FARP1: variants seen among roughly 807,000 people sequenced by gnomAD.
The protein encoded by FARP1 is FERM, ARH/RhoGEF and pleckstrin domain protein 1.
A neutral mutation model predicts 128.8 loss-of-function variants in FARP1; 52 were observed. The ratio of observed to expected loss-of-function variants is 0.40; its 90% CI spans 0.32 to 0.51. The LOEUF (loss-of-function observed/expected upper bound fraction) is 0.51. Among genes scored for constraint, FARP1 ranks in the 20% least tolerant of loss-of-function variants. The pLI, the probability that FARP1 is intolerant of heterozygous loss-of-function variation, is 0.45. For missense variants in FARP1, 1,333 were observed against 1,367.9 expected (o/e 0.97, Z 0.40); for synonymous variants, 580 against 551.8 (o/e 1.05, Z -0.72).
At chr13:98,268,683 G>A (rs541659640) in intron 2 of FARP1, among the ~76,000 whole-genome samples, 1 of 151,938 alleles carries the variant, frequency 6.6e-6, no homozygotes, top group Non-Finnish European at 1.5e-5. Context: ...GGCCAGGATG[G>A]TCTCGAACTT....
intron 6 of FARP1, 64 bp downstream of exon 6, chr13:98,377,982 A>G (rs1889666332): frequency 8.3e-6 from 10 of 1,208,830 alleles, no homozygotes; most frequent in Middle Eastern, 1.9e-4. Flanking sequence ...GATTGATGGG[A>G]AAAAAATCAC....
At chr13:98,358,633 T>G (rs1425748831) in intron 3 of FARP1, among the ~76,000 whole-genome samples, 1 of 152,136 alleles carries the variant, frequency 6.6e-6, no homozygotes, top group Non-Finnish European at 1.5e-5. Flanking sequence ...TAAAGTTTTT[T>G]TGTTTCTTTC....
At chr13:98,385,956 G>C in intron 8 of FARP1, 142 bp downstream of exon 8, 1 of 824,602 alleles carries the variant, frequency 1.2e-6, no homozygotes, top group East Asian at 2.7e-5. Context: ...CTCATCTCAG[G>C]CTTTCTGTTT....
chr13:98,423,191 G>A (rs796960167), intron 16 of FARP1, among the ~76,000 whole-genome samples: 8 of 152,266 alleles, frequency 5.3e-5, no homozygotes, highest in African/African-American at 1.9e-4. Context: ...GGGTGGGTCT[G>A]CCTTTCCCAC....
intron 5 of FARP1, among the ~76,000 whole-genome samples, chr13:98,377,515 A>G (rs1889644729): frequency 6.6e-6 from 1 of 152,164 alleles, no homozygotes; most frequent in African/African-American, 2.4e-5. Context: ...AAAAAAATGT[A>G]AATATTTCCT....
chr13:98,281,131 A>AGAT (rs1176385197), intron 2 of FARP1, among the ~76,000 whole-genome samples: 18 of 152,322 alleles, frequency 1.2e-4, no homozygotes, highest in Non-Finnish European at 1.9e-4. Context: ...CGAGGTGGGC[A>AGAT]GATCATGAGG....
At chr13:98,197,758 C>T (rs985506658) in intron 1 of FARP1, among the ~76,000 whole-genome samples, 2 of 151,780 alleles carry the variant, frequency 1.3e-5, no homozygotes, top group African/African-American at 2.4e-5. Context: ...CCTCAGCCTC[C>T]CGAGTAGCTG....
At chr13:98,186,452 G>A (rs1465609441) in intron 1 of FARP1, among the ~76,000 whole-genome samples, 2 of 151,996 alleles carry the variant, frequency 1.3e-5, no homozygotes, top group African/African-American at 4.8e-5. Flanking sequence ...CCCTGCCCCT[G>A]GTAACTCTTC....
chr13:98,377,817 G>A lies in FARP1; in HGVS notation c.399-4G>A, dbSNP rs41279112. 9.1e-3 allele frequency: 14,617 copies of A among 1,612,604 alleles called. 1,107 individuals are homozygous for A. The African/African-American group carries it at 0.17, about 19-fold the overall frequency. ...CTGACGCCCAGCTCTGTTGATCTTCGCAGGTACCTGTTCGCGCTGCAGGTG... is the reference window on the plus strand; with the variant it reads ...CTGACGCCCAGCTCTGTTGATCTTCACAGGTACCTGTTCGCGCTGCAGGTG... On this transcript the variant is annotated splice_polypyrimidine_tract_variant and splice_region_variant and intron_variant, in intron 5 of 26. Coordinates refer to ENST00000319562, the MANE Select transcript of FARP1 (RefSeq NM_005766.4).
rs79753701 is a variant in FARP1, at chr13:98,415,086, A to G, written c.1826+3052A>G. On this transcript the variant is annotated intron_variant, in intron 16 of 26. Coordinates refer to ENST00000319562, the MANE Select transcript of FARP1 (RefSeq NM_005766.4). ...AGCTCCTTCATCTCAGGGGTGCTCCAGCAGAAACTGACTGTTCATGTCCAG... is the reference window on the plus strand; with the variant it reads ...AGCTCCTTCATCTCAGGGGTGCTCCGGCAGAAACTGACTGTTCATGTCCAG... Among the ~76,000 whole-genome samples the G allele has an allele frequency of 3.9e-3, 599 of 152,348 alleles. 4 individuals carry two copies. The highest frequency in any genetic ancestry group is 0.014 in the African/African-American group (576 of 41,578).
intron 2 of FARP1, among the ~76,000 whole-genome samples, chr13:98,306,521 C>CTTTTTTT (rs145068057): frequency 1.3e-5 from 2 of 148,634 alleles, no homozygotes; most frequent in South Asian, 4.4e-4. Context: ...TTCTTTCTTT[C>CTTTTTTT]TTTTTTGTTT....
chr13:98,292,459 A>G (rs1296085408), intron 2 of FARP1, among the ~76,000 whole-genome samples: 5 of 152,238 alleles, frequency 3.3e-5, no homozygotes, highest in African/African-American at 4.8e-5. Context: ...ACTTAATAAT[A>G]AATGTAGTAT....
intron 3 of FARP1, among the ~76,000 whole-genome samples, chr13:98,350,425 G>A (rs1232473429): frequency 1.3e-5 from 2 of 152,164 alleles, no homozygotes; most frequent in African/African-American, 2.4e-5. Context: ...AGTGTCCCCC[G>A]TTACTGACAC....
At chr13:98,305,181 CTTTCCT>C (rs138278181) in intron 2 of FARP1, among the ~76,000 whole-genome samples, 2,103 of 150,738 alleles carry the variant, frequency 0.014, 53 homozygotes, top group African/African-American at 0.049. Flanking sequence ...GGGGAAAATC[CTTTCCT>C]CATTCACTAA....
chr13:98,361,631 T>C (rs1594445290), intron 3 of FARP1, among the ~76,000 whole-genome samples: 1 of 152,260 alleles, frequency 6.6e-6, no homozygotes, highest in African/African-American at 2.4e-5. Flanking sequence ...TTCTCCACTC[T>C]CCTGTATCCT....
intron 13 of FARP1, chr13:98,400,627 C>G (rs193165378): frequency 5.9e-5 from 9 of 152,322 alleles, no homozygotes; most frequent in Non-Finnish European, 1.2e-4. Context: ...CTATCTGGAT[C>G]CCTTCTCTTT....
At position 98,290,054 on chromosome 13, in the gene FARP1, C is replaced by CTTTT. The variant is rs57453120; in HGVS notation, c.172-53695_172-53692dup. Among the ~76,000 whole-genome samples the CTTTT allele has an allele frequency of 4.9e-4, 67 of 136,250 alleles. 1 individual carries two copies. The highest frequency in any genetic ancestry group is 3.9e-3 in the Middle Eastern group (1 of 256). 89.4% of individuals were successfully genotyped at this position (136,250 alleles called of 152,430 possible). ...TTAGAGAAGTGTGGTGGAGATTTAT[C>CTTTT]TTTTTTTTTTTTTTTTGGTGTTGGG... On this transcript the variant is annotated intron_variant, in intron 2 of 26. Coordinates refer to ENST00000319562, the MANE Select transcript of FARP1 (RefSeq NM_005766.4).
chr13:98,389,176 A>C (rs1448586352), intron 9 of FARP1, among the ~76,000 whole-genome samples: 1 of 152,232 alleles, frequency 6.6e-6, no homozygotes, highest in East Asian at 1.9e-4. Flanking sequence ...CGACCTGGGA[A>C]GCATATACCC....
intron 2 of FARP1, among the ~76,000 whole-genome samples, chr13:98,282,480 A>G (rs1200002083): frequency 2.0e-5 from 3 of 152,222 alleles, no homozygotes; most frequent in Admixed American, 1.3e-4. Flanking sequence ...TTAGAATACT[A>G]TAGTAAAAAT....
Sources: allele counts gnomAD v4.1 joint callset (sites outside exome capture counted in the v4.1 genomes callset), GRCh38; gene constraint gnomAD v4.1.1; transcripts MANE v1.5; gene names NCBI Gene and HGNC (gene_info 2026-07-23, HGNC 2026-07-21).